The following P2RX7 variants were observed in gnomAD, a reference collection of about 807,000 sequenced individuals.
The protein encoded by P2RX7 is purinergic receptor P2X 7, also known as P2X purinoceptor 7.
In P2RX7, 62 loss-of-function variants were observed where a neutral mutation model predicts 71.6. The observed-to-expected ratio is 0.87, with a 90% CI of 0.71 to 1.07. The LOEUF (loss-of-function observed/expected upper bound fraction) is 1.07. P2RX7 is among the 50% of genes least tolerant of loss of function. The probability of loss-of-function intolerance (pLI) is 0.00; values close to 1 mark genes in which losing one functional copy is unlikely to be tolerated. For synonymous variants in P2RX7, 299 were observed against 283.3 expected, an observed-to-expected ratio of 1.06 and a Z score of -0.56; for missense variants, 686 against 748.5, an observed-to-expected ratio of 0.92 and a Z score of 0.97.
At position 121,154,816 on chromosome 12, in the gene P2RX7, C is replaced by T. The variant is rs139154098; in HGVS notation, c.157C>T (p.Arg53Trp). ...FALVSDKLYQ[R>W]KEPVISSVHT... Reference sequence around the variant, plus strand: ...TCTGGTGAGTGACAAGCTGTACCAGCGGAAAGAGCCTGTCATCAGTTCTGT... The same window carrying T: ...TCTGGTGAGTGACAAGCTGTACCAGTGGAAAGAGCCTGTCATCAGTTCTGT... The change falls in exon 2 of 13, where the codon CGG becomes TGG. Residue 53 changes from arginine to tryptophan, a missense_variant. By Grantham distance (101) the Arg-to-Trp change is moderately radical. Transcript: ENST00000328963. This position sits in a 1 kb window ranked among gnomAD's most constrained non-coding sequence, Gnocchi z 4.2. 7.6e-5 allele frequency: 122 copies of T among 1,613,964 alleles called. No homozygotes were observed. The highest frequency in any genetic ancestry group is 2.0e-4 in the African/African-American group (15 of 75,042).
chr12:121,179,393 T>G (rs1488303103), intron 11 of P2RX7, among the ~76,000 whole-genome samples: 1 of 150,802 alleles, frequency 6.6e-6, no homozygotes, highest in Non-Finnish European at 1.5e-5. Context: ...CCAGCTTCTC[T>G]AGAGGCTGAG....
chr12:121,160,786 C>T, intron 3 of P2RX7, 116 bp from the exon 4 acceptor site: 1 of 899,334 alleles, frequency 1.1e-6, no homozygotes, highest in Non-Finnish European at 1.9e-6. Context: ...TTTGGCGATT[C>T]TGAGTAGTGC....
In P2RX7 at chr12:121,166,128, T is replaced by TTCC; in HGVS notation, c.686_688dup (p.Phe229_Arg230insLeu). On this transcript the variant is annotated inframe_insertion, in exon 7 of 13. Coordinates refer to ENST00000328963, the MANE Select transcript of P2RX7 (RefSeq NM_002562.6). The stretch of plus-strand genomic sequence containing the variant: ...GACTCAGAATCCACAGTGTCCCATT[T>TTCC]TCCGACTAGGAGACATCTTCCGAGA... The TTCC allele has an allele frequency of 6.2e-7, 1 of 1,614,068 alleles. No individual in the cohort carries two copies. The highest frequency in any genetic ancestry group is 8.5e-7 in the Non-Finnish European group (1 of 1,179,942).
chr12:121,151,308 C>T (rs1029415784), intron 1 of P2RX7, among the ~76,000 whole-genome samples: 10 of 151,444 alleles, frequency 6.6e-5, no homozygotes, highest in African/African-American at 1.9e-4. Context: ...AGTGCAGTGG[C>T]GCCATCTCGG....
chr12:121,172,695 G>A (rs1412559790), intron 8 of P2RX7, among the ~76,000 whole-genome samples: 2 of 152,094 alleles, frequency 1.3e-5, no homozygotes, highest in African/African-American at 2.4e-5. Context: ...AAGAGAAAAA[G>A]CTCTCTTGAA....
intron 12 of P2RX7, among the ~76,000 whole-genome samples, chr12:121,182,015 G>A (rs1325213124): frequency 2.7e-5 from 4 of 147,466 alleles, no homozygotes; most frequent in Non-Finnish European, 5.9e-5. Context: ...GGTTAGCTGA[G>A]ATCACACCTC....
chr12:121,177,527 A>C (rs1270829899), intron 11 of P2RX7, 81 bp downstream of exon 11: 2 of 1,349,352 alleles, frequency 1.5e-6, no homozygotes, highest in Non-Finnish European at 2.1e-6. Context: ...AATTAGGCCC[A>C]AATCACAGGC....
chr12:121,151,115 T>C (rs1257657168), intron 1 of P2RX7, among the ~76,000 whole-genome samples: 4 of 152,158 alleles, frequency 2.6e-5, no homozygotes, highest in Non-Finnish European at 5.9e-5. Context: ...CCTGAGCTAC[T>C]TGGGAGGCTG....
At chr12:121,159,851 C>T (rs1279513848) in intron 3 of P2RX7, among the ~76,000 whole-genome samples, 1 of 152,218 alleles carries the variant, frequency 6.6e-6, no homozygotes, top group Non-Finnish European at 1.5e-5. Context: ...CTGCTCAGTC[C>T]TTTCAGCCAC....
At position 121,154,916 on chromosome 12, in the gene P2RX7, G is replaced by A. The variant is rs760016181; in HGVS notation, c.257G>A (p.Ser86Asn). ...AATGGAGTGAAGAAGTTGGTGCACA[G>A]TGTCTTTGACACCGCAGACTACACC... ...VENGVKKLVH[S>N]VFDTADYTFP... The change falls in exon 2 of 13, where the codon AGT (serine) becomes AAT (asparagine). Residue 86 changes from serine to asparagine, a missense_variant. Ser to Asn is a conservative substitution (Grantham distance 46). Transcript: ENST00000328963. This position sits in a 1 kb window ranked among gnomAD's most constrained non-coding sequence, Gnocchi z 4.2. 4 of 1,613,604 alleles carry A rather than the reference G, an allele frequency of 2.5e-6. No homozygotes were observed. The Admixed American group carries it at 5.0e-5, about 20-fold the overall frequency.
At chr12:121,158,958 G>T (rs1309347907) in intron 3 of P2RX7, among the ~76,000 whole-genome samples, 1 of 152,184 alleles carries the variant, frequency 6.6e-6, no homozygotes, top group Non-Finnish European at 1.5e-5. Flanking sequence ...ATCTAATCTG[G>T]GGAGTCACAA....
chr12:121,171,822 T>A (rs1250094474), intron 8 of P2RX7, among the ~76,000 whole-genome samples: 5 of 151,068 alleles, frequency 3.3e-5, no homozygotes, highest in African/African-American at 1.2e-4. Flanking sequence ...GGCTCAGGAG[T>A]CTGCCTCTGA....
At position 121,184,512 on chromosome 12, in the gene P2RX7, C is replaced by T. The variant is rs201043741; in HGVS notation, c.1498C>T (p.Arg500Trp). Reference sequence around the variant, plus strand: ...CAGGTGCCTGGAGGAGCTGTGCTGCCGGAAAAAGCCGGGGGCCTGCATCAC... The same window carrying T: ...CAGGTGCCTGGAGGAGCTGTGCTGCTGGAAAAAGCCGGGGGCCTGCATCAC... Reference protein sequence around the residue: ...SHRCLEELCCRKKPGACITTS... With the variant: ...SHRCLEELCCWKKPGACITTS... Residue 500 changes from arginine (R) to tryptophan (W), a missense_variant, in exon 13 of 13, where the codon CGG becomes TGG. Coordinates refer to ENST00000328963, the MANE Select transcript of P2RX7 (RefSeq NM_002562.6). 23 of 1,614,062 alleles carry T rather than the reference C, an allele frequency of 1.4e-5. No individual in the cohort carries two copies. The South Asian group carries it at 2.1e-4, about 15-fold the overall frequency.
chr12:121,183,328 T>A (rs1264611981), intron 12 of P2RX7, among the ~76,000 whole-genome samples: 1 of 151,950 alleles, frequency 6.6e-6, no homozygotes, highest in East Asian at 1.9e-4. Flanking sequence ...CTCAGTACTT[T>A]GGGAGGCTGA....
intron 8 of P2RX7, among the ~76,000 whole-genome samples, chr12:121,172,555 C>T (rs865803104): frequency 8.5e-5 from 13 of 152,202 alleles, no homozygotes; most frequent in African/African-American, 2.6e-4. Context: ...GACTTGAGCC[C>T]GGGAGGCGGA....
chr12:121,137,960 C>G (rs1178339975), intron 1 of P2RX7, among the ~76,000 whole-genome samples: 1 of 152,172 alleles, frequency 6.6e-6, no homozygotes, highest in Non-Finnish European at 1.5e-5. Context: ...AACCAAGAGG[C>G]TGTTCAGCTT....
Position 121,154,747 on chromosome 12 carries a change from A to G in P2RX7, c.126-38A>G. On this transcript the variant is annotated intron_variant, in intron 1 of 12. Coordinates refer to ENST00000328963, the MANE Select transcript of P2RX7 (RefSeq NM_002562.6). This position sits in a 1 kb window ranked among gnomAD's most constrained non-coding sequence, Gnocchi z 4.2. ...CGCCTGCATCCCAACCCGCTGTGCT[A>G]TGCCTCCCGTTGATGCTTTCCCATG... is the stretch of plus-strand genomic sequence containing the variant. 7.2e-7 allele frequency: 1 copy of G among 1,398,094 alleles called. No individual in the cohort carries two copies. The allele number at this position is 1,398,094 out of a possible 1,614,324, so 86.6% of individuals were successfully genotyped here.
Position 121,149,200 on chromosome 12 carries a change from T to C in P2RX7, c.126-5585T>C. 2.5e-6 allele frequency: 1 copy of C among 395,634 alleles called. No individual in the cohort carries two copies. The highest frequency in any genetic ancestry group is 5.0e-6 in the Non-Finnish European group (1 of 199,732). 24.5% of individuals were successfully genotyped at this position (395,634 alleles called of 1,614,324 possible). A position where few individuals can be genotyped will look rare whatever the true frequency, so the allele number is the denominator to read the frequency against. ...TATGGTGGGCACCTTCATCTCCATC[T>C]GGTGGGTCCAGAGCAAGCAGCCTCA... On this transcript the variant is annotated intron_variant, in intron 1 of 12. Transcript: ENST00000328963. This position sits in a 1 kb window ranked among gnomAD's most constrained non-coding sequence, Gnocchi z 4.7.
rs1346426471 is a variant in P2RX7, at chr12:121,177,372, A to T, written c.1114A>T (p.Lys372Ter). 6.2e-7 allele frequency: 1 copy of T among 1,614,010 alleles called. No homozygotes were observed. The highest frequency in any genetic ancestry group is 8.5e-7 in the Non-Finnish European group (1 of 1,180,036). Residue 372 changes from lysine to a stop codon, truncating the protein, a stop_gained, in exon 11 of 13, where the codon AAG becomes TAG. Transcript: ENST00000328963. LOFTEE classifies it high-confidence loss of function. ...TCGCTCCCATATTTATCCCTGGTGC[A>T]AGTGCTGTCAGCCCTGTGTGGTCAA... ...CCRSHIYPWC[K>*]CCQPCVVNEY...
Sources: allele counts gnomAD v4.1 joint callset (sites outside exome capture counted in the v4.1 genomes callset), GRCh38; gene constraint gnomAD v4.1.1; non-coding constraint Gnocchi (gnomAD v3.1); transcripts MANE v1.5; gene names NCBI Gene and HGNC (gene_info 2026-07-23, HGNC 2026-07-21).